Variants in AGK observed in about 807,000 individuals in gnomAD.
AGK encodes the protein acylglycerol kinase.
A neutral mutation model predicts 66.4 loss-of-function variants in AGK; 52 were observed. That is an observed-to-expected ratio of 0.78 (90% CI 0.63 to 0.99). The LOEUF (loss-of-function observed/expected upper bound fraction) is 0.99, where lower values mean the gene tolerates loss of function less well. AGK is among the 50% of genes least tolerant of loss of function. The probability of loss-of-function intolerance (pLI) is 0.00; values close to 1 mark genes in which losing one functional copy is unlikely to be tolerated. For missense variants in AGK, 451 were observed against 506.6 expected (o/e 0.89, Z 1.05); for synonymous variants, 182 against 181.1 (o/e 1.00, Z -0.04).
chr7:141,593,178 A>G lies in AGK; in HGVS notation c.134A>G (p.Glu45Gly), dbSNP rs1796159002. 1 of 1,612,108 alleles carries G rather than the reference A, an allele frequency of 6.2e-7. No homozygotes were observed. Among genetic ancestry groups the G allele is most frequent in the East Asian group, 2.2e-5 (1 of 44,876 alleles). The change falls in exon 3 of 16, where the codon GAA (glutamate) becomes GGA (glycine). Residue 45 changes from glutamate to glycine, a missense_variant. Physicochemically the swap from Glu to Gly is moderately conservative, Grantham distance 98. Transcript: ENST00000649286. The stretch of plus-strand genomic sequence containing the variant: ...CTCCTAAGGAGAGCAGCCTGTCAAG[A>G]AGCTCAGGTAATACTACTTAATGTG... ...DNLLRRAACQ[E>G]AQVFGNQLIP...
At chr7:141,616,002 T>C (rs1796694490) in intron 8 of AGK, 1 of 157,808 alleles carries the variant, frequency 6.3e-6, no homozygotes, top group African/African-American at 2.4e-5. Context: ...CAAGTAAATA[T>C]AGCCACATCC....
At chr7:141,579,613 G>T (rs1291347725) in intron 2 of AGK, among the ~76,000 whole-genome samples, 7 of 151,938 alleles carry the variant, frequency 4.6e-5, no homozygotes, top group African/African-American at 1.7e-4. Context: ...TGATGAGTAG[G>T]GAAGGGAGGG....
chr7:141,643,635 A>T (rs1029096696), intron 13 of AGK, among the ~76,000 whole-genome samples: 1 of 152,158 alleles, frequency 6.6e-6, no homozygotes, highest in African/African-American at 2.4e-5. Flanking sequence ...TAAGAATAGA[A>T]AATTCATAAA....
chr7:141,567,651 G>A (rs1158127727), intron 2 of AGK, among the ~76,000 whole-genome samples: 1 of 152,226 alleles, frequency 6.6e-6, no homozygotes, highest in Non-Finnish European at 1.5e-5. Flanking sequence ...TTTAAGGATT[G>A]CTCATTCCTC....
rs1368671154 is a variant in AGK at position 141,651,625 on chromosome 7, G to A, written c.1131+16G>A. ...TATCCCGGAGGTGAGTGGGGAAGGG[G>A]TCGGTAGTCACAGCATTTGATTCGT... is the stretch of plus-strand genomic sequence containing the variant. On this transcript the variant is annotated intron_variant, in intron 15 of 15. Transcript: ENST00000649286. 6.2e-7 allele frequency: 1 copy of A among 1,612,282 alleles called. No homozygotes were observed. The highest frequency in any genetic ancestry group is 8.5e-7 in the Non-Finnish European group (1 of 1,178,260).
At chr7:141,651,658 C>T (rs758600654) in intron 15 of AGK, 49 bp downstream of exon 15, 7 of 1,531,432 alleles carry the variant, frequency 4.6e-6, no homozygotes, top group South Asian at 3.4e-5. Context: ...CGTTCGTCAT[C>T]GGCCTGCCCC....
At position 141,581,632 on chromosome 7, in the gene AGK, A is replaced by G. The variant is rs548115989; in HGVS notation, c.102-11514A>G. ...ATGGGATGGTAAGGGGTGCATGATCAGTTGCTAAGGAGGAAGTAGAGGTGT... is the reference window on the plus strand; with the variant it reads ...ATGGGATGGTAAGGGGTGCATGATCGGTTGCTAAGGAGGAAGTAGAGGTGT... On this transcript the variant is annotated intron_variant, in intron 2 of 15. Transcript: ENST00000649286. Among the ~76,000 whole-genome samples, 7 of 151,950 alleles carry G rather than the reference A, an allele frequency of 4.6e-5. No individual in the cohort carries two copies. The East Asian group carries it at 1.4e-3, about 29-fold the overall frequency.
At chr7:141,561,526 T>C (rs1020082141) in intron 2 of AGK, among the ~76,000 whole-genome samples, 2 of 152,138 alleles carry the variant, frequency 1.3e-5, no homozygotes, top group South Asian at 4.1e-4. Flanking sequence ...ATTAGTGATA[T>C]TGAGATTTTT....
chr7:141,629,920 T>A (rs552756711), intron 9 of AGK, among the ~76,000 whole-genome samples: 47 of 152,298 alleles, frequency 3.1e-4, no homozygotes, highest in African/African-American at 1.0e-3. Flanking sequence ...AAAAATGTCC[T>A]CCCAAAGAAG....
At chr7:141,553,809 A>G (rs774734008) in intron 1 of AGK, among the ~76,000 whole-genome samples, 15 of 152,136 alleles carry the variant, frequency 9.9e-5, no homozygotes, top group Non-Finnish European at 1.9e-4. Flanking sequence ...TCTACCCTTG[A>G]GAGGAATTTT....
At chr7:141,570,449 G>A (rs1043951095) in intron 2 of AGK, among the ~76,000 whole-genome samples, 1 of 151,956 alleles carries the variant, frequency 6.6e-6, no homozygotes, top group African/African-American at 2.4e-5. Flanking sequence ...TTCTGTTCGA[G>A]GGGTACAAAG....
intron 2 of AGK, 45 bp from the exon 3 acceptor site, chr7:141,593,101 A>T: frequency 6.5e-7 from 1 of 1,545,754 alleles, no homozygotes; most frequent in Non-Finnish European, 8.9e-7. Flanking sequence ...TTTGGATCAT[A>T]ATCTATTAAA....
Position 141,637,007 on chromosome 7 carries a change from G to C in AGK, c.716G>C (p.Ser239Thr). 1.2e-6 allele frequency: 2 copies of C among 1,612,290 alleles called. No homozygotes were observed. The highest frequency in any genetic ancestry group is 1.7e-6 in the Non-Finnish European group (2 of 1,178,984). Reference sequence around the variant, plus strand: ...AAAATCAAAGCAGCCCACTTTTTCAGCACTCTTAAGGTAAATGTGATTTAC... The same window carrying C: ...AAAATCAAAGCAGCCCACTTTTTCACCACTCTTAAGGTAAATGTGATTTAC... The part of the protein sequence containing the change: ...PLKIKAAHFF[S>T]TLKEWPQTHQ... Residue 239 changes from serine (S) to threonine (T), a missense_variant, in exon 11 of 16, where the codon AGC becomes ACC. Coordinates refer to ENST00000649286, the MANE Select transcript of AGK (RefSeq NM_018238.4).
chr7:141,568,736 T>C (rs1237924084), intron 2 of AGK, among the ~76,000 whole-genome samples: 1 of 152,074 alleles, frequency 6.6e-6, no homozygotes, highest in East Asian at 1.9e-4. Context: ...CATGTCCGGC[T>C]AATTTTTTTT....
At chr7:141,626,779 G>A (rs796105580) in intron 9 of AGK, among the ~76,000 whole-genome samples, 3 of 152,274 alleles carry the variant, frequency 2.0e-5, no homozygotes, top group African/African-American at 7.2e-5. Flanking sequence ...CAGTACAAGA[G>A]CCTGAATTGG....
chr7:141,635,096 C>T (rs74340311), intron 10 of AGK, among the ~76,000 whole-genome samples: 2 of 152,128 alleles, frequency 1.3e-5, no homozygotes, highest in African/African-American at 4.8e-5. Context: ...CTGGTTAGGA[C>T]AAATTGCTTT....
At chr7:141,569,261 C>T (rs1056252677) in intron 2 of AGK, among the ~76,000 whole-genome samples, 1 of 152,100 alleles carries the variant, frequency 6.6e-6, no homozygotes, top group South Asian at 2.1e-4. Context: ...ATAGGCTGGG[C>T]GTGGTGGCTC....
intron 9 of AGK, among the ~76,000 whole-genome samples, chr7:141,623,906 T>C (rs1435229369): frequency 6.6e-6 from 1 of 152,098 alleles, no homozygotes; most frequent in Non-Finnish European, 1.5e-5. Flanking sequence ...TTCAAGCCAA[T>C]GCTCATCTAC....
chr7:141,616,612 C>T (rs1796705569), intron 8 of AGK, among the ~76,000 whole-genome samples: 1 of 152,018 alleles, frequency 6.6e-6, no homozygotes, highest in Non-Finnish European at 1.5e-5. Context: ...GGCATACACA[C>T]ATATATATAT....
Sources: gnomAD v4.1 joint callset for allele counts (sites outside exome capture counted in the v4.1 genomes callset) on GRCh38, gnomAD v4.1.1 for gene constraint, MANE v1.5 for transcripts, NCBI Gene and HGNC (gene_info 2026-07-23, HGNC 2026-07-21) for gene names.